KCNT2: variants seen among roughly 807,000 people sequenced by gnomAD.
The protein encoded by KCNT2 is potassium sodium-activated channel subfamily T member 2.
Under a neutral mutation model 153.8 loss-of-function variants are expected in KCNT2, and 67 were observed. The observed-to-expected ratio is 0.44, with a 90% CI of 0.36 to 0.53. KCNT2 has a LOEUF of 0.53. KCNT2 is among the 20% of genes least tolerant of loss of function. The pLI is 0.00. For synonymous variants in KCNT2, 500 were observed against 458.8 expected, an observed-to-expected ratio of 1.09 and a Z score of -1.15; for missense variants, 975 against 1,354.8, an observed-to-expected ratio of 0.72 and a Z score of 4.40.
At chr1:196,563,586 C>T (rs188847227) in intron 1 of KCNT2, among the ~76,000 whole-genome samples, 1 of 151,596 alleles carries the variant, frequency 6.6e-6, no homozygotes, top group Non-Finnish European at 1.5e-5. Context: ...AAAATTTTAG[C>T]ATAATATGTA....
At chr1:196,522,820 G>A (rs2148826104) in intron 1 of KCNT2, among the ~76,000 whole-genome samples, 1 of 152,174 alleles carries the variant, frequency 6.6e-6, no homozygotes, top group African/African-American at 2.4e-5. Context: ...CTAGGTAAAG[G>A]ATTGTAAATG....
chr1:196,305,706 G>A (rs901061786), intron 21 of KCNT2, among the ~76,000 whole-genome samples: 18 of 152,070 alleles, frequency 1.2e-4, no homozygotes, highest in African/African-American at 4.3e-4. Context: ...AGATAAATAA[G>A]CTGATTGGCA....
intron 14 of KCNT2, among the ~76,000 whole-genome samples, chr1:196,368,497 T>C (rs1668231525): frequency 6.6e-6 from 1 of 152,166 alleles, no homozygotes; most frequent in Non-Finnish European, 1.5e-5. Flanking sequence ...ACTTCATTTC[T>C]TATCATTCCT....
intron 22 of KCNT2, among the ~76,000 whole-genome samples, chr1:196,293,328 G>GAA (rs202093864): frequency 6.6e-6 from 1 of 150,928 alleles, no homozygotes; most frequent in Non-Finnish European, 1.5e-5. Flanking sequence ...AATCTTAAGA[G>GAA]AAAAAAACAA....
At chr1:196,593,001 T>A (rs1033456112) in intron 1 of KCNT2, among the ~76,000 whole-genome samples, 1 of 150,532 alleles carries the variant, frequency 6.6e-6, no homozygotes, top group Non-Finnish European at 1.5e-5. Context: ...AGTGGTGATT[T>A]GTAAGATTTT....
intron 1 of KCNT2, among the ~76,000 whole-genome samples, chr1:196,494,916 A>C (rs1680137390): frequency 6.6e-6 from 1 of 152,066 alleles, no homozygotes; most frequent in African/African-American, 2.4e-5. Flanking sequence ...CAATGTGGAG[A>C]GCTCTCCAAT....
chr1:196,234,182 T>C lies in KCNT2; in HGVS notation c.3296+1804A>G, dbSNP rs1389932803. Among the ~76,000 whole-genome samples the C allele has an allele frequency of 5.3e-5, 8 of 151,396 alleles. No individual in the cohort carries two copies. The East Asian group carries it at 1.2e-3, about 22-fold the overall frequency. ...ACATGTACCTCATAAAATGCACAAC[T>C]ATTATATATCAATAAACTTAATTAA... On this transcript the variant is annotated intron_variant, in intron 27 of 27. Coordinates refer to ENST00000294725, the MANE Select transcript of KCNT2 (RefSeq NM_198503.5).
chr1:196,328,003 C>T (rs560227618), intron 18 of KCNT2, among the ~76,000 whole-genome samples: 1 of 152,030 alleles, frequency 6.6e-6, no homozygotes, highest in Non-Finnish European at 1.5e-5. Flanking sequence ...GAAAACAAAG[C>T]ACCATGAGTA....
chr1:196,361,217 A>C (rs529493061), intron 14 of KCNT2, among the ~76,000 whole-genome samples: 3 of 152,070 alleles, frequency 2.0e-5, no homozygotes, highest in Admixed American at 1.3e-4. Flanking sequence ...ACACACACAC[A>C]CACACACAAA....
intron 26 of KCNT2, among the ~76,000 whole-genome samples, chr1:196,247,165 G>A (rs190671426): frequency 1.1e-4 from 17 of 152,132 alleles, no homozygotes; most frequent in Non-Finnish European, 2.1e-4. Context: ...AGATTTCAAG[G>A]TAAAAACTAT....
intron 18 of KCNT2, among the ~76,000 whole-genome samples, chr1:196,327,769 T>C (rs1485759961): frequency 1.3e-5 from 2 of 149,500 alleles, no homozygotes; most frequent in East Asian, 3.9e-4. Context: ...CAGTCTCAGG[T>C]GATTCTCCCA....
At chr1:196,464,740 G>A (rs10922071) in intron 8 of KCNT2, among the ~76,000 whole-genome samples, 50,128 of 151,748 alleles carry the variant, frequency 0.33, 8,319 homozygotes, top group Admixed American at 0.39. Flanking sequence ...GTCAAAGTGT[G>A]ACCTTCCAGA....
At chr1:196,413,456 G>A (rs988341824) in intron 12 of KCNT2, among the ~76,000 whole-genome samples, 2 of 151,536 alleles carry the variant, frequency 1.3e-5, no homozygotes, top group African/African-American at 4.8e-5. Context: ...GCTAAAATAT[G>A]TATACCAATA....
At chr1:196,375,315 C>T (rs1415474388) in intron 13 of KCNT2, among the ~76,000 whole-genome samples, 1 of 151,734 alleles carries the variant, frequency 6.6e-6, no homozygotes, top group Non-Finnish European at 1.5e-5. Flanking sequence ...TCTATCAGCC[C>T]TTTCAACAAT....
intron 1 of KCNT2, among the ~76,000 whole-genome samples, chr1:196,601,418 T>G (rs999797508): frequency 1.3e-5 from 2 of 152,240 alleles, no homozygotes; most frequent in Non-Finnish European, 2.9e-5. Context: ...ACATCTGAAC[T>G]AGGTCTATTT....
intron 13 of KCNT2, among the ~76,000 whole-genome samples, chr1:196,391,673 A>G (rs2148413962): frequency 6.6e-6 from 1 of 151,394 alleles, no homozygotes; most frequent in East Asian, 1.9e-4. Context: ...TGGCTTAAAC[A>G]TCTTTTGCAA....
chr1:196,275,745 T>C (rs143806133), intron 25 of KCNT2, among the ~76,000 whole-genome samples: 1 of 152,094 alleles, frequency 6.6e-6, no homozygotes, highest in African/African-American at 2.4e-5. Context: ...GCCTAAAGTC[T>C]TTATATTAGT....
chr1:196,358,597 C>T (rs1417714527), intron 14 of KCNT2, among the ~76,000 whole-genome samples: 2 of 151,842 alleles, frequency 1.3e-5, no homozygotes, highest in Non-Finnish European at 2.9e-5. Flanking sequence ...GCTTGAATCT[C>T]TTTTTAATGT....
chr1:196,451,113 A>G (rs1328836345), intron 8 of KCNT2, among the ~76,000 whole-genome samples: 1 of 151,048 alleles, frequency 6.6e-6, no homozygotes, highest in African/African-American at 2.4e-5. Context: ...TGATCATTTT[A>G]ATTACTGCTC....
Sources: allele counts gnomAD v4.1 joint callset (sites outside exome capture counted in the v4.1 genomes callset), GRCh38; gene constraint gnomAD v4.1.1; transcripts MANE v1.5; gene names NCBI Gene and HGNC (gene_info 2026-07-23, HGNC 2026-07-21).